Variants in OTOGL observed in about 807,000 individuals in gnomAD.
OTOGL encodes the protein otogelin like.
A neutral mutation model predicts 318.5 loss-of-function variants in OTOGL; 285 were observed. The observed-to-expected ratio is 0.89, with a 90% CI of 0.81 to 0.99. The LOEUF is 0.99. Ranked by LOEUF, OTOGL falls within the 50% of genes least tolerant of loss-of-function variation. The pLI, the probability that OTOGL is intolerant of heterozygous loss-of-function variation, is 0.00. For missense variants in OTOGL, 2,899 were observed against 2,845.6 expected (o/e 1.02, Z -0.43); for synonymous variants, 987 against 936.5 (o/e 1.05, Z -0.99).
At chr12:80,329,142 C>A in intron 37 of OTOGL, 23 bp downstream of exon 37, 1 of 1,459,352 alleles carries the variant, frequency 6.9e-7, no homozygotes, top group Non-Finnish European at 9.1e-7. Flanking sequence ...TTTTAGACAA[C>A]AAAAGTAGCA....
At chr12:80,212,405 C>T (rs1877336392) in intron 4 of OTOGL, among the ~76,000 whole-genome samples, 1 of 152,130 alleles carries the variant, frequency 6.6e-6, no homozygotes, top group Non-Finnish European at 1.5e-5. Flanking sequence ...TGCAAAAGGG[C>T]ATCAGATATG....
intron 30 of OTOGL, among the ~76,000 whole-genome samples, chr12:80,311,140 G>A (rs1199911711): frequency 2.6e-5 from 4 of 152,166 alleles, no homozygotes; most frequent in African/African-American, 9.7e-5. Context: ...TCCCAAGATG[G>A]AATGTACTTA....
intron 26 of OTOGL, among the ~76,000 whole-genome samples, chr12:80,285,555 T>G (rs1884551913): frequency 6.6e-6 from 1 of 152,180 alleles, no homozygotes; most frequent in African/African-American, 2.4e-5. Flanking sequence ...CTTATTTCTT[T>G]GAGCAATGGT....
chr12:80,363,452 TTGTGAGGTTGG>T (rs1442043478), intron 52 of OTOGL, among the ~76,000 whole-genome samples: 3 of 152,264 alleles, frequency 2.0e-5, no homozygotes, highest in African/African-American at 7.2e-5. Flanking sequence ...ATCTTCACTA[TTGTGAGGTTGG>T]TGTGAATTTA....
chr12:80,154,664 A>G (rs1256067870), intron 1 of OTOGL, among the ~76,000 whole-genome samples: 5 of 152,186 alleles, frequency 3.3e-5, no homozygotes, highest in South Asian at 4.1e-4. Flanking sequence ...CATTGTCTGG[A>G]TATACTATAT....
chr12:80,335,836 C>T (rs897978951), intron 38 of OTOGL, 127 bp from the exon 39 acceptor site: 1 of 784,904 alleles, frequency 1.3e-6, no homozygotes, highest in Non-Finnish European at 1.8e-6. Flanking sequence ...AATTTTAATT[C>T]TTTATCTTTC....
At chr12:80,335,015 C>T (rs954839331) in intron 38 of OTOGL, among the ~76,000 whole-genome samples, 9 of 152,122 alleles carry the variant, frequency 5.9e-5, no homozygotes, top group Admixed American at 5.2e-4. Flanking sequence ...TTTCTCTAAA[C>T]CTTATTTTAA....
At chr12:80,320,075 T>A (rs145032267) in intron 33 of OTOGL, among the ~76,000 whole-genome samples, 1 of 152,326 alleles carries the variant, frequency 6.6e-6, no homozygotes, top group African/African-American at 2.4e-5. Context: ...CGCAAATATA[T>A]GTCCAATTAA....
intron 52 of OTOGL, among the ~76,000 whole-genome samples, chr12:80,363,876 C>T (rs1371343634): frequency 6.6e-6 from 1 of 152,062 alleles, no homozygotes; most frequent in African/African-American, 2.4e-5. Flanking sequence ...TATGTTCATA[C>T]ATTAACCTTG....
intron 4 of OTOGL, among the ~76,000 whole-genome samples, chr12:80,216,977 G>T (rs1211400631): frequency 6.6e-6 from 1 of 150,964 alleles, no homozygotes; most frequent in Non-Finnish European, 1.5e-5. Context: ...AAGAAAGAAA[G>T]AAAAAAAAAT....
chr12:80,182,970 G>C (rs953275877), intron 1 of OTOGL, among the ~76,000 whole-genome samples: 1 of 152,200 alleles, frequency 6.6e-6, no homozygotes, highest in African/African-American at 2.4e-5. Context: ...GTACAAATTA[G>C]AAAAGAGTAC....
At chr12:80,216,157 A>AG (rs1877698151) in intron 4 of OTOGL, among the ~76,000 whole-genome samples, 1 of 152,170 alleles carries the variant, frequency 6.6e-6, no homozygotes, top group Admixed American at 6.5e-5. Context: ...TCTTAAAAAA[A>AG]ATGATATAGC....
At chr12:80,352,776 C>A (rs1371640395) in intron 45 of OTOGL, among the ~76,000 whole-genome samples, 1 of 152,160 alleles carries the variant, frequency 6.6e-6, no homozygotes, top group East Asian at 1.9e-4. Context: ...ATTTATAACC[C>A]CACCATCTGA....
At position 80,378,842 on chromosome 12, in the gene OTOGL, T is replaced by A. The variant is rs1469320605; in HGVS notation, c.*794T>A. ...TGCCCCCCATACATTGTTATTCCAA[T>A]AGTAAGGAGCAGGGAAATATAGCAT... is the stretch of plus-strand genomic sequence containing the variant. On this transcript the variant is annotated 3_prime_UTR_variant, in exon 59 of 59. Coordinates refer to ENST00000547103, the MANE Select transcript of OTOGL (RefSeq NM_001378609.3). 6.6e-6 allele frequency: 1 copy of A among 152,092 alleles called. No homozygotes were observed. Among genetic ancestry groups the A allele is most frequent in the East Asian group, 1.9e-4 (1 of 5,202 alleles). The allele number at this position is 152,092 out of a possible 1,614,324, so 9.4% of individuals were successfully genotyped here.
chr12:80,128,133 CAGTTTT>C (rs1339308126), intron 1 of OTOGL, among the ~76,000 whole-genome samples: 1 of 152,170 alleles, frequency 6.6e-6, no homozygotes, highest in East Asian at 1.9e-4. Context: ...TTAGAATTTT[CAGTTTT>C]TCTGCTCTGT....
intron 1 of OTOGL, among the ~76,000 whole-genome samples, chr12:80,188,792 A>G (rs1875480840): frequency 6.6e-6 from 1 of 152,176 alleles, no homozygotes; most frequent in Non-Finnish European, 1.5e-5. Flanking sequence ...GTCTCTAGAG[A>G]ATAGGATCAT....
chr12:80,358,582 T>C (rs1890049706), intron 50 of OTOGL, 89 bp from the exon 51 acceptor site: 2 of 1,052,556 alleles, frequency 1.9e-6, no homozygotes, highest in African/African-American at 3.2e-5. Context: ...AATCCATGCA[T>C]TATTGTAATG....
At position 80,289,352 on chromosome 12, in the gene OTOGL, C is replaced by T. The variant is rs537671102; in HGVS notation, c.2929-7475C>T. On this transcript the variant is annotated intron_variant, in intron 26 of 58. Transcript: ENST00000547103. ...TGTCGACCCCTACTAGGAAGTGTCT[C>T]CCAGTCAGGAGGCACAGGGGTCAGG... Among the ~76,000 whole-genome samples the T allele has an allele frequency of 7.2e-5, 11 of 152,294 alleles. No individual in the cohort carries two copies. In the Middle Eastern group the frequency reaches 0.01, roughly 141 times the overall value.
chr12:80,146,668 G>C (rs1872388542), intron 1 of OTOGL, among the ~76,000 whole-genome samples: 1 of 151,974 alleles, frequency 6.6e-6, no homozygotes, highest in South Asian at 2.1e-4. Flanking sequence ...CTAGAATTCA[G>C]CTGTGAATCC....
Sources: gnomAD v4.1 joint callset for allele counts (sites outside exome capture counted in the v4.1 genomes callset) on GRCh38, gnomAD v4.1.1 for gene constraint, MANE v1.5 for transcripts, NCBI Gene and HGNC (gene_info 2026-07-23, HGNC 2026-07-21) for gene names.